The following MYO16 variants were observed in gnomAD, a reference collection of about 807,000 sequenced individuals.
The protein encoded by MYO16 is myosin XVI.
A neutral mutation model predicts 205.3 loss-of-function variants in MYO16; 94 were observed. The ratio of observed to expected loss-of-function variants is 0.46; its 90% CI spans 0.39 to 0.54. The LOEUF is 0.54. MYO16 is among the 20% of genes least tolerant of loss of function. MYO16 has a pLI of 0.00. For synonymous variants in MYO16, 988 were observed against 954.0 expected (o/e 1.04, Z -0.66); for missense variants, 2,315 against 2,387.5 (o/e 0.97, Z 0.63).
At chr13:108,911,288 G>A (rs1424195475) in intron 16 of MYO16, among the ~76,000 whole-genome samples, 4 of 152,126 alleles carry the variant, frequency 2.6e-5, no homozygotes, top group African/African-American at 4.8e-5. Context: ...TGGTTGGGGA[G>A]ATATTAATAA....
intron 11 of MYO16, among the ~76,000 whole-genome samples, chr13:108,859,688 G>C (rs1033904422): frequency 6.6e-6 from 1 of 152,108 alleles, no homozygotes; most frequent in Non-Finnish European, 1.5e-5. Context: ...TGCATTCTCT[G>C]AATACTTACT....
intron 33 of MYO16, among the ~76,000 whole-genome samples, chr13:109,170,681 A>T (rs999652390): frequency 1.9e-4 from 29 of 151,698 alleles, no homozygotes; most frequent in African/African-American, 6.8e-4. Context: ...ATAATAATAA[A>T]AACGGCAAGT....
At chr13:108,853,954 T>TTATGTGTGTGTG (rs1555305767) in intron 10 of MYO16, among the ~76,000 whole-genome samples, 1 of 138,500 alleles carries the variant, frequency 7.2e-6, no homozygotes, top group East Asian at 2.2e-4. Context: ...GTTTCTATTA[T>TTATGTGTGTGTG]TGTGTGTGTG....
In MYO16 at chr13:108,944,204, T is replaced by TA. The variant is rs770128305; in HGVS notation, c.1926-13474dup. Among the ~76,000 whole-genome samples, 52 of 149,646 alleles carry TA rather than the reference T, an allele frequency of 3.5e-4. 1 individual carries two copies. The highest frequency in any genetic ancestry group is 2.9e-3 in the South Asian group (14 of 4,754). On this transcript the variant is annotated intron_variant, in intron 16 of 34. Transcript: ENST00000457511. ...GTTGTAAGAACATTCTTCTGGGAGATAAAAAAAAAATAATATTAGGTTAGA... is the reference window on the plus strand; with the variant it reads ...GTTGTAAGAACATTCTTCTGGGAGATAAAAAAAAAAATAATATTAGGTTAGA...
At chr13:108,961,118 G>A (rs1409909393) in intron 17 of MYO16, among the ~76,000 whole-genome samples, 1 of 152,150 alleles carries the variant, frequency 6.6e-6, no homozygotes, top group Admixed American at 6.5e-5. Flanking sequence ...CTTGAATGAA[G>A]CGGCCACAGC....
intron 14 of MYO16, among the ~76,000 whole-genome samples, chr13:108,894,787 G>A (rs1880333814): frequency 6.6e-6 from 1 of 152,150 alleles, no homozygotes; most frequent in Non-Finnish European, 1.5e-5. Context: ...CACAGACATG[G>A]CTTTGTTCCC....
chr13:108,970,832 G>T (rs1441339946), intron 20 of MYO16, among the ~76,000 whole-genome samples: 1 of 152,162 alleles, frequency 6.6e-6, no homozygotes, highest in African/African-American at 2.4e-5. Context: ...ATAGGTTGAG[G>T]CCCCACACTT....
chr13:108,995,763 A>G (rs1174952122), intron 21 of MYO16, among the ~76,000 whole-genome samples: 4 of 152,224 alleles, frequency 2.6e-5, no homozygotes, highest in African/African-American at 7.2e-5. Context: ...TACAAAGGAC[A>G]TGAACTCATC....
At chr13:108,547,753 A>G in the MYO16 span, among the ~76,000 whole-genome samples, 1 of 152,238 alleles carries the variant, frequency 6.6e-6, no homozygotes, top group Non-Finnish European at 1.5e-5. Context: ...CAAGTGGGTA[A>G]GATCACTTAA....
intron 19 of MYO16, 65 bp from the exon 20 acceptor site, chr13:108,964,696 T>C (rs1476218209): frequency 6.5e-7 from 1 of 1,547,404 alleles, no homozygotes; most frequent in East Asian, 2.3e-5. Flanking sequence ...ATATGTGGAG[T>C]TTTGGTTGGC....
At chr13:108,952,646 C>T (rs1261527845) in intron 16 of MYO16, among the ~76,000 whole-genome samples, 1 of 152,084 alleles carries the variant, frequency 6.6e-6, no homozygotes, top group Non-Finnish European at 1.5e-5. Context: ...GTCTTCTACC[C>T]CATGATAGAA....
intron 23 of MYO16, among the ~76,000 whole-genome samples, chr13:109,036,074 G>A (rs978587484): frequency 2.0e-5 from 3 of 152,208 alleles, no homozygotes; most frequent in African/African-American, 7.2e-5. Context: ...TCTCTCACTC[G>A]GTACAAGGCA....
At chr13:108,545,296 C>T in the MYO16 span, among the ~76,000 whole-genome samples, 1 of 152,132 alleles carries the variant, frequency 6.6e-6, no homozygotes, top group Non-Finnish European at 1.5e-5. Context: ...CTACAATAAT[C>T]GCCTTCAGTT....
At chr13:108,804,503 T>TTTG (rs535136904) in intron 6 of MYO16, among the ~76,000 whole-genome samples, 12 of 152,138 alleles carry the variant, frequency 7.9e-5, no homozygotes, top group South Asian at 4.2e-4. Context: ...AATAGACATT[T>TTTG]TTGTTGTTGT....
intron 9 of MYO16, among the ~76,000 whole-genome samples, chr13:108,826,753 T>C (rs989674012): frequency 6.6e-6 from 1 of 152,142 alleles, no homozygotes; most frequent in African/African-American, 2.4e-5. Flanking sequence ...GAAGATACAA[T>C]CATAGCCCAC....
At chr13:108,819,864 C>T (rs1875867439) in intron 7 of MYO16, among the ~76,000 whole-genome samples, 2 of 152,066 alleles carry the variant, frequency 1.3e-5, no homozygotes. Context: ...CCATATAATT[C>T]CTCACATAAG....
rs111609743 is a variant in MYO16 at position 108,764,495 on chromosome 13, T to A, written c.508-21140T>A. Among the ~76,000 whole-genome samples the A allele has an allele frequency of 2.7e-3, 415 of 151,108 alleles. 4 individuals carry two copies. Among genetic ancestry groups the A allele is most frequent in the African/African-American group, 9.8e-3 (403 of 40,956 alleles). ...ATAATTAAATGAATTATTAATGAGG[T>A]AAGTGGGCACCGGCTGGTTTCATTC... On this transcript the variant is annotated intron_variant, in intron 4 of 34. Coordinates refer to ENST00000457511, the MANE Select transcript of MYO16 (RefSeq NM_001198950.3).
intron 17 of MYO16, among the ~76,000 whole-genome samples, chr13:108,959,647 G>A (rs1163874850): frequency 6.6e-6 from 1 of 152,184 alleles, no homozygotes; most frequent in Non-Finnish European, 1.5e-5. Flanking sequence ...AGGTATTTCT[G>A]GGCCAGTGAA....
chr13:109,022,330 T>TTATACAAATATAA (rs1159566181), intron 23 of MYO16, among the ~76,000 whole-genome samples: 1 of 111,282 alleles, frequency 9.0e-6, no homozygotes, highest in African/African-American at 3.6e-5. Context: ...TACAAATATA[T>TTATACAAATATAA]ATTTATATAT....
Sources: gnomAD v4.1 joint callset for allele counts (sites outside exome capture counted in the v4.1 genomes callset) on GRCh38, gnomAD v4.1.1 for gene constraint, MANE v1.5 for transcripts, NCBI Gene and HGNC (gene_info 2026-07-23, HGNC 2026-07-21) for gene names.